The following DLG2 variants were observed in gnomAD, a reference collection of about 807,000 sequenced individuals.
DLG2 encodes disks large homolog 2.
In DLG2, 45 loss-of-function variants were observed where a neutral mutation model predicts 132.5. The observed-to-expected ratio is 0.34, with a 90% CI of 0.27 to 0.44. DLG2 has a LOEUF of 0.44. Among genes scored for constraint, DLG2 ranks in the 20% least tolerant of loss-of-function variants. DLG2 has a pLI of 1.00. For synonymous variants in DLG2, 424 were observed against 419.6 expected (o/e 1.01, Z -0.13); for missense variants, 1,045 against 1,196.9 (o/e 0.87, Z 1.87).
chr11:85,399,269 T>C (rs746009714), intron 3 of DLG2, among the ~76,000 whole-genome samples: 1 of 151,936 alleles, frequency 6.6e-6, no homozygotes, highest in Non-Finnish European at 1.5e-5. Flanking sequence ...CACTGCTCAA[T>C]GAAATAAAAG....
chr11:85,557,733 T>C (rs1038530543), intron 3 of DLG2, among the ~76,000 whole-genome samples: 1 of 151,922 alleles, frequency 6.6e-6, no homozygotes, highest in African/African-American at 2.4e-5. Flanking sequence ...TAAATAGTGC[T>C]GGCATAGCTG....
intron 16 of DLG2, among the ~76,000 whole-genome samples, chr11:83,873,267 T>C (rs1167958236): frequency 6.6e-6 from 1 of 152,144 alleles, no homozygotes; most frequent in Non-Finnish European, 1.5e-5. Context: ...GTAGGACTAC[T>C]TTAGAAATAA....
chr11:84,313,510 GAGAGAC>G (rs1187257598), intron 7 of DLG2, among the ~76,000 whole-genome samples: 7 of 129,390 alleles, frequency 5.4e-5, no homozygotes, highest in African/African-American at 2.0e-4. Flanking sequence ...GAAAGAGAGA[GAGAGAC>G]AGAGAGAGAG....
chr11:85,561,168 A>G (rs189997239), intron 3 of DLG2, among the ~76,000 whole-genome samples: 1 of 150,830 alleles, frequency 6.6e-6, no homozygotes, highest in African/African-American at 2.4e-5. Flanking sequence ...TCAGCCTGAA[A>G]AACATAGTGA....
At chr11:84,969,616 G>C (rs1465900178) in intron 6 of DLG2, among the ~76,000 whole-genome samples, 1 of 152,032 alleles carries the variant, frequency 6.6e-6, no homozygotes, top group Non-Finnish European at 1.5e-5. Context: ...CTTTTTCTTT[G>C]AGAGACTAGA....
intron 6 of DLG2, among the ~76,000 whole-genome samples, chr11:84,717,892 G>T (rs532516535): frequency 6.6e-6 from 1 of 152,134 alleles, no homozygotes; most frequent in South Asian, 2.1e-4. Flanking sequence ...AGTTATTGCT[G>T]TGGCCACTTT....
At chr11:84,904,414 A>C in intron 6 of DLG2, among the ~76,000 whole-genome samples, 1 of 152,314 alleles carries the variant, frequency 6.6e-6, no homozygotes, top group African/African-American at 2.4e-5. Flanking sequence ...CCACTCTGAA[A>C]GCTCACCTCG....
chr11:83,562,075 G>T (rs2096620839), intron 19 of DLG2, among the ~76,000 whole-genome samples: 1 of 151,640 alleles, frequency 6.6e-6, no homozygotes, highest in South Asian at 2.1e-4. Context: ...TTTTAGTAGA[G>T]ACAGGGTTTC....
chr11:83,544,996 C>T (rs977655627), intron 19 of DLG2, among the ~76,000 whole-genome samples: 13 of 152,260 alleles, frequency 8.5e-5, no homozygotes, highest in African/African-American at 3.1e-4. Context: ...AACTCCCTTA[C>T]TGCTCAGTCC....
chr11:85,104,649 C>A (rs964159214), intron 6 of DLG2, among the ~76,000 whole-genome samples: 1 of 151,604 alleles, frequency 6.6e-6, no homozygotes, highest in African/African-American at 2.4e-5. Flanking sequence ...GATAGTTGTA[C>A]AACTCTGTGA....
At chr11:83,711,402 C>T (rs1364768878) in intron 18 of DLG2, among the ~76,000 whole-genome samples, 3 of 152,162 alleles carry the variant, frequency 2.0e-5, no homozygotes, top group East Asian at 1.9e-4. Flanking sequence ...GAGGTCTTCT[C>T]GGGTAATGGG....
intron 6 of DLG2, among the ~76,000 whole-genome samples, chr11:84,888,805 C>T (rs1383564595): frequency 2.6e-5 from 4 of 152,124 alleles, no homozygotes; most frequent in Non-Finnish European, 4.4e-5. Context: ...GTTCTGCTAT[C>T]ATCTAAATCA....
intron 21 of DLG2, among the ~76,000 whole-genome samples, chr11:83,493,341 TTCCTTCCTTCC>T (rs2093969424): frequency 6.5e-4 from 4 of 6,108 alleles, no homozygotes; most frequent in South Asian, 6.1e-3. Flanking sequence ...CTTTCTTTCC[TTCCTTCCTTCC>T]TTCCTTCCTT....
intron 6 of DLG2, among the ~76,000 whole-genome samples, chr11:84,600,238 G>T (rs1434374164): frequency 1.0e-5 from 1 of 97,254 alleles, no homozygotes; most frequent in Non-Finnish European, 2.0e-5. Context: ...AAGAAAGACA[G>T]AAAAGCAAGC....
chr11:85,223,341 G>T (rs2074775973), intron 4 of DLG2, among the ~76,000 whole-genome samples: 1 of 152,072 alleles, frequency 6.6e-6, no homozygotes, highest in Admixed American at 6.6e-5. Context: ...AACCATAATA[G>T]AAGTCTAGAA....
intron 6 of DLG2, among the ~76,000 whole-genome samples, chr11:84,620,885 C>A (rs1042874011): frequency 2.0e-5 from 3 of 151,992 alleles, no homozygotes; most frequent in Non-Finnish European, 2.9e-5. Context: ...TAAAATTGTG[C>A]AAAAATAAAT....
At chr11:84,079,407 C>T (rs1460984752) in intron 10 of DLG2, among the ~76,000 whole-genome samples, 1 of 152,048 alleles carries the variant, frequency 6.6e-6, no homozygotes, top group African/African-American at 2.4e-5. Context: ...CTTCAGCCTC[C>T]CAAGTAGCTG....
At chr11:84,176,872 CTCTTTTCTT>C (rs1212490673) in intron 8 of DLG2, among the ~76,000 whole-genome samples, 1 of 150,892 alleles carries the variant, frequency 6.6e-6, no homozygotes, top group Non-Finnish European at 1.5e-5. Context: ...CTTGCTCTCT[CTCTTTTCTT>C]TTCTTTTCTT....
intron 19 of DLG2, among the ~76,000 whole-genome samples, chr11:83,581,575 G>C (rs2096977221): frequency 6.6e-6 from 1 of 152,002 alleles, no homozygotes; most frequent in Non-Finnish European, 1.5e-5. Flanking sequence ...ATTTTGACTT[G>C]GTTTACCACA....
Sources: allele counts gnomAD v4.1 joint callset (sites outside exome capture counted in the v4.1 genomes callset), GRCh38; gene constraint gnomAD v4.1.1; transcripts MANE v1.5; gene names NCBI Gene and HGNC (gene_info 2026-07-23, HGNC 2026-07-21).